INSL6: variants seen among roughly 807,000 people sequenced by gnomAD.
INSL6 encodes the protein insulin like 6.
Under a neutral mutation model 9.4 loss-of-function variants are expected in INSL6, and 16 were observed. The ratio of observed to expected loss-of-function variants is 1.70; its 90% confidence interval spans 1.15 to 2.59. The LOEUF (loss-of-function observed/expected upper bound fraction) is 2.59, where lower values mean the gene tolerates loss of function less well. INSL6 is among the 30% of genes most tolerant of loss of function. The pLI, the probability that INSL6 is intolerant of heterozygous loss-of-function variation, is 0.00. For missense variants in INSL6, 391 were observed against 257.3 expected, an observed-to-expected ratio of 1.52 and a Z score of -3.56; for synonymous variants, 154 against 96.9, an observed-to-expected ratio of 1.59 and a Z score of -3.46.
At chr9:5,008,253 A>G in the INSL6 span, among the ~76,000 whole-genome samples, 17 of 152,252 alleles carry the variant, frequency 1.1e-4, no homozygotes, top group African/African-American at 4.1e-4. Context: ...AATACAAATT[A>G]TATTTTGTAT....
chr9:5,102,780 T>C, the INSL6 span, among the ~76,000 whole-genome samples: 1 of 152,186 alleles, frequency 6.6e-6, no homozygotes, highest in Non-Finnish European at 1.5e-5. Flanking sequence ...CAGAATTTCA[T>C]ATCCAGCCAC....
At chr9:5,064,624 G>C in the INSL6 span, among the ~76,000 whole-genome samples, 1 of 152,046 alleles carries the variant, frequency 6.6e-6, no homozygotes, top group African/African-American at 2.4e-5. Flanking sequence ...TGGTATATTA[G>C]TCTAAGAAGG....
chr9:5,045,097 C>T, the INSL6 span, among the ~76,000 whole-genome samples: 226 of 152,190 alleles, frequency 1.5e-3, no homozygotes, highest in Non-Finnish European at 2.6e-3. Context: ...TTCTCTATTA[C>T]CTTGATTTAA....
the INSL6 span, among the ~76,000 whole-genome samples, chr9:5,104,423 C>G: frequency 6.6e-6 from 1 of 151,530 alleles, no homozygotes; most frequent in African/African-American, 2.4e-5. Context: ...CAATAATAGC[C>G]TACCAACCAA....
At chr9:5,036,271 G>A in the INSL6 span, among the ~76,000 whole-genome samples, 1 of 152,160 alleles carries the variant, frequency 6.6e-6, no homozygotes, top group Non-Finnish European at 1.5e-5. Flanking sequence ...TGGGTAGGAA[G>A]AATCAATATT....
At chr9:5,029,991 T>A in the INSL6 span, 1 of 1,167,144 alleles carries the variant, frequency 8.6e-7, no homozygotes, top group Non-Finnish European at 1.2e-6. Flanking sequence ...GCAAGGTACT[T>A]AATACCAGAT....
the INSL6 span, among the ~76,000 whole-genome samples, chr9:5,030,519 G>A: frequency 1.3e-5 from 2 of 152,038 alleles, no homozygotes; most frequent in East Asian, 1.9e-4. Flanking sequence ...TTCATGAGGT[G>A]TTAAGATTTC....
chr9:5,172,804 T>G (rs1825213368), intron 1 of INSL6, among the ~76,000 whole-genome samples: 1 of 152,034 alleles, frequency 6.6e-6, no homozygotes, highest in African/African-American at 2.4e-5. Flanking sequence ...GGTGTGTGCC[T>G]GTAGTCCCAG....
chr9:5,034,138 CAA>C, the INSL6 span, among the ~76,000 whole-genome samples: 2 of 152,104 alleles, frequency 1.3e-5, no homozygotes, highest in Non-Finnish European at 2.9e-5. Flanking sequence ...TCAAAAGAAA[CAA>C]AGAAGGCCAT....
the INSL6 span, chr9:5,107,973 C>T: frequency 1.3e-5 from 2 of 152,192 alleles, no homozygotes; most frequent in African/African-American, 4.8e-5. Context: ...TAATATGATT[C>T]TCTAAAAATT....
chr9:4,999,821 A>G, the INSL6 span, among the ~76,000 whole-genome samples: 1 of 152,188 alleles, frequency 6.6e-6, no homozygotes, highest in East Asian at 1.9e-4. Context: ...CTTTAATGTC[A>G]TTAATTTTTT....
chr9:5,041,842 A>T, the INSL6 span: 12 of 474,524 alleles, frequency 2.5e-5, no homozygotes, highest in Non-Finnish European at 4.6e-5. Context: ...ACCAATGGGG[A>T]GCTGAACGCG....
At chr9:5,097,855 A>G in the INSL6 span, 1 of 152,218 alleles carries the variant, frequency 6.6e-6, no homozygotes, top group South Asian at 2.1e-4. Flanking sequence ...TGGTTCCCCC[A>G]TTCTCAGGTT....
chr9:5,123,055 T>C, downstream of INSL6: 1 of 1,611,930 alleles, frequency 6.2e-7, no homozygotes, highest in Non-Finnish European at 8.5e-7. Context: ...CCTCAGATGT[T>C]TGGAGCTTTG....
At chr9:5,008,758 A>G in the INSL6 span, among the ~76,000 whole-genome samples, 1 of 152,232 alleles carries the variant, frequency 6.6e-6, no homozygotes, top group Non-Finnish European at 1.5e-5. Context: ...TCTTTTTAAC[A>G]TGAACCCAGC....
At chr9:5,057,974 G>C in the INSL6 span, among the ~76,000 whole-genome samples, 1 of 152,066 alleles carries the variant, frequency 6.6e-6, no homozygotes, top group Admixed American at 6.5e-5. Flanking sequence ...GCTTATTTCA[G>C]TTAGTATAAT....
the INSL6 span, among the ~76,000 whole-genome samples, chr9:5,050,989 A>T: frequency 1.3e-5 from 2 of 152,144 alleles, no homozygotes. Context: ...CAGATTTTGG[A>T]TATTTCCAGA....
At chr9:5,041,872 A>G in the INSL6 span, 270 of 438,728 alleles carry the variant, frequency 6.2e-4, no homozygotes, top group African/African-American at 5.3e-3. Context: ...ATGGCCGGCC[A>G]CTCCAGCGCC....
chr9:5,038,394 G>C, the INSL6 span, among the ~76,000 whole-genome samples: 3 of 152,230 alleles, frequency 2.0e-5, no homozygotes, highest in East Asian at 5.8e-4. Context: ...AAATAGAAAA[G>C]GAAGGAGGAT....
Sources: gnomAD v4.1 joint callset for allele counts (sites outside exome capture counted in the v4.1 genomes callset) on GRCh38, gnomAD v4.1.1 for gene constraint, MANE v1.5 for transcripts, NCBI Gene and HGNC (gene_info 2026-07-23, HGNC 2026-07-21) for gene names.